Variants in DAO observed in about 807,000 individuals in gnomAD.
The protein encoded by DAO is D-amino acid oxidase, also known as D-amino-acid oxidase.
A neutral mutation model predicts 50.1 loss-of-function variants in DAO; 51 were observed. That is an observed-to-expected ratio of 1.02 (90% CI 0.81 to 1.29). The LOEUF (loss-of-function observed/expected upper bound fraction) is 1.29, where lower values mean the gene tolerates loss of function less well. Ranked by LOEUF, DAO falls within the 50% of genes most tolerant of loss-of-function variation. DAO has a pLI of 0.00. For synonymous variants in DAO, 160 were observed against 166.2 expected (o/e 0.96, Z 0.29); for missense variants, 436 against 439.4 (o/e 0.99, Z 0.07).
In DAO at chr12:108,880,201, C is replaced by G. The variant is rs1004032669; in HGVS notation, c.-33C>G. On this transcript the variant is annotated 5_prime_UTR_variant, in exon 1 of 11. Transcript: ENST00000228476. ...TGTCCCCGCACTGCAGTTGTCTGGT[C>G]TCTCCAGCAGTTTGGTACTTCCGGT... is the stretch of plus-strand genomic sequence containing the variant. The G allele has an allele frequency of 1.3e-5, 6 of 451,660 alleles. No homozygotes were observed. Among genetic ancestry groups the G allele is most frequent in the African/African-American group, 1.2e-4 (6 of 50,054 alleles). 28.0% of individuals were successfully genotyped at this position (451,660 alleles called of 1,614,324 possible). A position where few individuals can be genotyped will look rare whatever the true frequency, so the allele number is the denominator to read the frequency against.
intron 2 of DAO, among the ~76,000 whole-genome samples, chr12:108,886,502 G>A (rs1375889457): frequency 1.3e-5 from 2 of 151,812 alleles, no homozygotes; most frequent in African/African-American, 2.4e-5. Flanking sequence ...GAGGCATCCT[G>A]TCACCCAGGC....
rs372560295 is a variant in DAO at position 108,899,432 on chromosome 12, G to A, written c.869G>A (p.Arg290Gln). 37 of 1,613,640 alleles carry A rather than the reference G, an allele frequency of 2.3e-5. 1 individual carries two copies. Among genetic ancestry groups the A allele is most frequent in the South Asian group, 2.2e-4 (20 of 91,002 alleles). The change falls in exon 10 of 11, where the codon CGG becomes CAG. Residue 290 changes from arginine to glutamine, a missense_variant. Coordinates refer to ENST00000228476, the MANE Select transcript of DAO (RefSeq NM_001917.5). Reference protein sequence around the residue: ...TGFRPVRPQIRLEREQLRTGP... With the variant: ...TGFRPVRPQIQLEREQLRTGP... ...TTCCGGCCAGTACGCCCCCAGATTCGGCTAGAAAGAGAACAGCTTCGCACT... is the reference window on the plus strand; with the variant it reads ...TTCCGGCCAGTACGCCCCCAGATTCAGCTAGAAAGAGAACAGCTTCGCACT...
chr12:108,885,210 G>T lies in DAO; in HGVS notation c.194+10G>T. ...ACAACCCACAGGAGGCGTGAGTGAG[G>T]GTCACATAGGGTAGCCTGGGGTGCC... is the stretch of plus-strand genomic sequence containing the variant. On this transcript the variant is annotated intron_variant, in intron 2 of 10. Transcript: ENST00000228476. 1 of 1,610,134 alleles carries T rather than the reference G, an allele frequency of 6.2e-7. No homozygotes were observed.
At position 108,880,170 on chromosome 12, in the gene DAO, A is replaced by T. The variant is rs2039360993; in HGVS notation, c.-64A>T. ...CAGGAGCTTCCCCTCAGGAAATAGC[A>T]TCCTGTGTCCCCGCACTGCAGTTGT... is the stretch of plus-strand genomic sequence containing the variant. On this transcript the variant is annotated 5_prime_UTR_variant, in exon 1 of 11. Transcript: ENST00000228476. The T allele has an allele frequency of 2.2e-6, 1 of 456,276 alleles. No individual in the cohort carries two copies. Among genetic ancestry groups the T allele is most frequent in the African/African-American group, 2.0e-5 (1 of 50,070 alleles). The allele number at this position is 456,276 out of a possible 1,614,324, so 28.3% of individuals were successfully genotyped here.
intron 6 of DAO, among the ~76,000 whole-genome samples, chr12:108,893,304 G>A (rs1403273607): frequency 1.3e-5 from 2 of 152,148 alleles, no homozygotes; most frequent in African/African-American, 4.8e-5. Flanking sequence ...TAGAGAGCTG[G>A]CCGCATTTTC....
intron 8 of DAO, 61 bp downstream of exon 8, chr12:108,897,149 GCTGCCTCCCCCA>G (rs2039569109): frequency 8.3e-7 from 1 of 1,205,412 alleles, no homozygotes; most frequent in East Asian, 2.3e-5. Context: ...TCATGACCCT[GCTGCCTCCCCCA>G]AGCTCCTTAC....
At chr12:108,887,623 G>A in intron 3 of DAO, 59 bp downstream of exon 3, 1 of 1,237,370 alleles carries the variant, frequency 8.1e-7, no homozygotes, top group Non-Finnish European at 1.2e-6. Flanking sequence ...TAGTGAGGGT[G>A]GGTGCAGCAG....
In DAO at chr12:108,889,503, G is replaced by A. The variant is rs756971224; in HGVS notation, c.344G>A (p.Arg115Gln). ...PSWKDTVLGFRKLTPRELDMF... is the reference protein window; with the variant it reads ...PSWKDTVLGFQKLTPRELDMF... ...TGGAAGGACACAGTTCTGGGATTTCGGAAGCTGACCCCCAGAGAGCTGGAT... is the reference window on the plus strand; with the variant it reads ...TGGAAGGACACAGTTCTGGGATTTCAGAAGCTGACCCCCAGAGAGCTGGAT... Residue 115 changes from arginine (R) to glutamine (Q), a missense_variant, in exon 4 of 11, where the codon CGG becomes CAG. Arg to Gln is a conservative substitution (Grantham distance 43). Transcript: ENST00000228476. The A allele has an allele frequency of 9.3e-6, 15 of 1,612,954 alleles. No individual in the cohort carries two copies. Among genetic ancestry groups the A allele is most frequent in the East Asian group, 6.7e-5 (3 of 44,814 alleles).
intron 10 of DAO, 173 bp from the exon 11 acceptor site, chr12:108,900,231 C>A (rs373922308): frequency 2.9e-6 from 2 of 690,010 alleles, no homozygotes; most frequent in African/African-American, 1.8e-5. Context: ...TCTCTTGCAA[C>A]TGTTCCAGGG....
intron 10 of DAO, chr12:108,899,783 A>G (rs932168280): frequency 2.1e-5 from 9 of 438,652 alleles, no homozygotes; most frequent in Non-Finnish European, 3.8e-5. Flanking sequence ...GACACTATCA[A>G]GTATGTTAGT....
chr12:108,893,785 A>T (rs2039516989), intron 6 of DAO, among the ~76,000 whole-genome samples: 1 of 152,190 alleles, frequency 6.6e-6, no homozygotes, highest in Non-Finnish European at 1.5e-5. Context: ...AGATCATCTC[A>T]TCTGTAGACA....
rs368059507 is a variant in DAO at position 108,894,380 on chromosome 12, G to A, written c.612+13G>A. On this transcript the variant is annotated intron_variant, in intron 7 of 10. Transcript: ENST00000228476. The stretch of plus-strand genomic sequence containing the variant: ...GCAGATCATGAAGGTGAGTGTGAGG[G>A]TGAGACCCCTACCTTTTGTTAATAG... 8.2e-6 allele frequency: 13 copies of A among 1,587,638 alleles called. No individual in the cohort carries two copies. Among genetic ancestry groups the A allele is most frequent in the Non-Finnish European group, 1.1e-5 (13 of 1,156,896 alleles).
chr12:108,897,478 A>G (rs1015654491), intron 8 of DAO, among the ~76,000 whole-genome samples: 2 of 151,954 alleles, frequency 1.3e-5, no homozygotes, highest in East Asian at 3.9e-4. Flanking sequence ...TTGCCTCCCA[A>G]AGTGCTGGGA....
intron 8 of DAO, 32 bp from the exon 9 acceptor site, chr12:108,898,647 C>T (rs758984051): frequency 6.8e-7 from 1 of 1,460,422 alleles, no homozygotes; most frequent in South Asian, 1.1e-5. Context: ...CTTCATTTTC[C>T]TTCATCCTTG....
In DAO at chr12:108,900,732, T is replaced by A. The variant is rs2039613986; in HGVS notation, c.*197T>A. 1 of 564,930 alleles carries A rather than the reference T, an allele frequency of 1.8e-6. No homozygotes were observed. Among genetic ancestry groups the A allele is most frequent in the Admixed American group, 3.0e-5 (1 of 33,464 alleles). 35.0% of individuals were successfully genotyped at this position (564,930 alleles called of 1,614,324 possible). A position where few individuals can be genotyped will look rare whatever the true frequency, so the allele number is the denominator to read the frequency against. ...GGGCCCCTCTCATCACTGAAATCCC[T>A]CTACCTTCTCTGGGTCTGGCATTAT... On this transcript the variant is annotated 3_prime_UTR_variant, in exon 11 of 11. Transcript: ENST00000228476.
In DAO at chr12:108,900,507, T is replaced by A; in HGVS notation, c.1016T>A (p.Leu339Ter). 6.2e-7 allele frequency: 1 copy of A among 1,614,090 alleles called. No homozygotes were observed. The change falls in exon 11 of 11, where the codon TTG becomes TAG. Residue 339 changes from leucine (L) to a stop codon, truncating the protein, a stop_gained. Transcript: ENST00000228476. LOFTEE classifies it high-confidence loss of function. ...GGGAGAATCCTGGAAGAAAAGAAAT[T>A]GTCCAGAATGCCACCATCCCACCTC... ...LFGRILEEKK[L>*]SRMPPSHL is the part of the protein sequence containing the mutation.
chr12:108,896,316 G>A (rs940425463), intron 7 of DAO, among the ~76,000 whole-genome samples: 2 of 150,260 alleles, frequency 1.3e-5, no homozygotes, highest in Admixed American at 6.7e-5. Flanking sequence ...CCAGCTACTC[G>A]GGAGGCTGAC....
At chr12:108,890,617 A>C (rs1485206101) in intron 5 of DAO, among the ~76,000 whole-genome samples, 1 of 151,844 alleles carries the variant, frequency 6.6e-6, no homozygotes, top group Non-Finnish European at 1.5e-5. Flanking sequence ...TTTTATTTTT[A>C]TCTCCCTCTC....
chr12:108,887,998 C>A (rs369732306), intron 3 of DAO, among the ~76,000 whole-genome samples: 1 of 152,176 alleles, frequency 6.6e-6, no homozygotes, highest in African/African-American at 2.4e-5. Context: ...TTACAGCTAG[C>A]GACTAATTTA....
Sources: allele counts gnomAD v4.1 joint callset (sites outside exome capture counted in the v4.1 genomes callset), GRCh38; gene constraint gnomAD v4.1.1; transcripts MANE v1.5; gene names NCBI Gene and HGNC (gene_info 2026-07-23, HGNC 2026-07-21).